CEP89: variants seen among roughly 807,000 people sequenced by gnomAD.
CEP89 encodes the protein centrosomal protein 89.
In CEP89, 95 loss-of-function variants were observed where a neutral mutation model predicts 97.6. That is an observed-to-expected ratio of 0.97 (90% CI 0.82 to 1.15). The LOEUF is 1.15. Ranked by LOEUF, CEP89 falls within the 50% of genes most tolerant of loss-of-function variation. The pLI is 0.00. For synonymous variants in CEP89, 354 were observed against 349.1 expected (o/e 1.01, Z -0.16); for missense variants, 869 against 947.7 (o/e 0.92, Z 1.09).
chr19:32,897,999 A>G (rs1366732992), intron 16 of CEP89, among the ~76,000 whole-genome samples: 1 of 152,202 alleles, frequency 6.6e-6, no homozygotes, highest in African/African-American at 2.4e-5. Flanking sequence ...AAAAACAATT[A>G]CCATATGATC....
chr19:32,901,626 C>T (rs1969773480), intron 14 of CEP89, among the ~76,000 whole-genome samples: 1 of 151,768 alleles, frequency 6.6e-6, no homozygotes, highest in South Asian at 2.1e-4. Flanking sequence ...GCTGGGCACA[C>T]ACTACGTGTG....
chr19:32,880,014 G>A (rs925411573), intron 18 of CEP89, among the ~76,000 whole-genome samples: 1 of 152,256 alleles, frequency 6.6e-6, no homozygotes, highest in Non-Finnish European at 1.5e-5. Context: ...AGGGGCCGAG[G>A]CATGTGAGGT....
In CEP89 at chr19:32,939,864, T is replaced by C. The variant is rs768054722; in HGVS notation, c.617A>G (p.Asn206Ser). ...TAAAAAAAATGATCTTACCTTTAAATTCAGAACAGGGTGTTTACCATCTGA... is the reference window on the plus strand; with the variant it reads ...TAAAAAAAATGATCTTACCTTTAAACTCAGAACAGGGTGTTTACCATCTGA... ...QQKDGKHPVL[N>S]LKDEKPPLCE... Residue 206 changes from asparagine to serine, a missense_variant, in exon 6 of 19, where the codon AAT becomes AGT. Asn to Ser is a conservative substitution (Grantham distance 46, BLOSUM62 1). Transcript: ENST00000305768. The C allele has an allele frequency of 4.0e-6, 5 of 1,253,416 alleles. No homozygotes were observed. The highest frequency in any genetic ancestry group is 3.0e-5 in the African/African-American group (2 of 66,904). 77.6% of individuals were successfully genotyped at this position (1,253,416 alleles called of 1,614,324 possible).
chr19:32,887,330 C>A (rs1182438129), intron 17 of CEP89, among the ~76,000 whole-genome samples: 2 of 151,750 alleles, frequency 1.3e-5, no homozygotes, highest in African/African-American at 2.4e-5. Flanking sequence ...GGAGCCTCCC[C>A]CATCAGCCTC....
chr19:32,970,187 C>T (rs899519460), intron 1 of CEP89: 1 of 152,342 alleles, frequency 6.6e-6, no homozygotes, highest in Non-Finnish European at 1.5e-5. Context: ...AGGCCCAGGC[C>T]AACTCTCCAG....
rs1457300116 is a variant in CEP89 at position 32,926,981 on chromosome 19, A to G, written c.1033T>C (p.Leu345=). The G allele has an allele frequency of 8.7e-6, 14 of 1,613,296 alleles. No homozygotes were observed. Among genetic ancestry groups the G allele is most frequent in the Non-Finnish European group, 1.1e-5 (13 of 1,179,274 alleles). The part of the protein sequence containing the change: ...KFRHLSKEES[L]NIEGLPSKGP... ...TTGGATGGGAGGCCTTCAATATTTA[A>G]GCTCTAAGAACAAAACATGTATTGA... Residue 345 remains leucine (L), a synonymous_variant, in exon 10 of 19, where the codon TTA becomes CTA. Coordinates refer to ENST00000305768, the MANE Select transcript of CEP89 (RefSeq NM_032816.5).
chr19:32,915,975 T>C (rs115447258), intron 13 of CEP89, among the ~76,000 whole-genome samples: 2,324 of 150,848 alleles, frequency 0.015, 44 homozygotes, highest in African/African-American at 0.054. Flanking sequence ...CCAAAGGCTT[T>C]GTCCTTAGAA....
rs1970515966 is a variant in CEP89, at chr19:32,933,436, T to C, written c.886+15A>G. On this transcript the variant is annotated intron_variant, in intron 8 of 18. Transcript: ENST00000305768. ...CTGCTCATTCCTCTAATAAAGGCACTCTGTCTGTCCCCACCTTCCTGTGAC... is the reference window on the plus strand; with the variant it reads ...CTGCTCATTCCTCTAATAAAGGCACCCTGTCTGTCCCCACCTTCCTGTGAC... 1 of 1,591,650 alleles carries C rather than the reference T, an allele frequency of 6.3e-7. No homozygotes were observed.
At chr19:32,967,304 CTG>C (rs1205498678) in intron 1 of CEP89, among the ~76,000 whole-genome samples, 1 of 152,170 alleles carries the variant, frequency 6.6e-6, no homozygotes, top group East Asian at 1.9e-4. Context: ...CTGGGAGTCT[CTG>C]AGACGTTTCT....
chr19:32,878,879 G>A lies in CEP89; in HGVS notation c.*283C>T, dbSNP rs1969216686. On this transcript the variant is annotated 3_prime_UTR_variant, in exon 19 of 19. Coordinates refer to ENST00000305768, the MANE Select transcript of CEP89 (RefSeq NM_032816.5). ...GCTACTCAGGAGGCTGAAGCAGAAG[G>A]ATCTCAAACATGTTTGAGGCTGCCG... 1 of 298,700 alleles carries A rather than the reference G, an allele frequency of 3.3e-6. No homozygotes were observed. Among genetic ancestry groups the A allele is most frequent in the Non-Finnish European group, 6.1e-6 (1 of 163,014 alleles). The allele number at this position is 298,700 out of a possible 1,614,324, so 18.5% of individuals were successfully genotyped here. A position where few individuals can be genotyped will look rare whatever the true frequency, so the allele number is the denominator to read the frequency against.
In CEP89 at chr19:32,939,898, A is replaced by AAGAG; in HGVS notation, c.596-17_596-14dup. 2 of 1,249,928 alleles carry AAGAG rather than the reference A, an allele frequency of 1.6e-6. No individual in the cohort carries two copies. The highest frequency in any genetic ancestry group is 1.1e-6 in the Non-Finnish European group (1 of 872,590). The allele number at this position is 1,249,928 out of a possible 1,614,324, so 77.4% of individuals were successfully genotyped here. A position where few individuals can be genotyped will look rare whatever the true frequency, so the allele number is the denominator to read the frequency against. ...GGGTGTTTACCATCTGATGAAGAAA[A>AAGAG]AGAGAGAGAGATAAACTTTTAAAGT... On this transcript the variant is annotated splice_polypyrimidine_tract_variant and intron_variant, in intron 5 of 18. Coordinates refer to ENST00000305768, the MANE Select transcript of CEP89 (RefSeq NM_032816.5).
At position 32,933,541 on chromosome 19, in the gene CEP89, G is replaced by C; in HGVS notation, c.796C>G (p.Gln266Glu). Residue 266 changes from glutamine to glutamate, a missense_variant, in exon 8 of 19, where the codon CAA becomes GAA. Gln to Glu is a conservative substitution (Grantham distance 29). Coordinates refer to ENST00000305768, the MANE Select transcript of CEP89 (RefSeq NM_032816.5). ...SLTLELNTMK[Q>E]AMKELQLKLK... ...TTTAACTGTAGTTCTTTCATTGCTTGTTTCATTGTGTTTAGTTCAAGGGTA... is the reference window on the plus strand; with the variant it reads ...TTTAACTGTAGTTCTTTCATTGCTTCTTTCATTGTGTTTAGTTCAAGGGTA... The C allele has an allele frequency of 1.2e-6, 2 of 1,613,574 alleles. No individual in the cohort carries two copies. The highest frequency in any genetic ancestry group is 1.7e-6 in the Non-Finnish European group (2 of 1,179,606).
chr19:32,898,956 T>C (rs966552723), intron 16 of CEP89, among the ~76,000 whole-genome samples: 1 of 151,744 alleles, frequency 6.6e-6, no homozygotes, highest in African/African-American at 2.4e-5. Flanking sequence ...TGTTACACAT[T>C]CTATGCACAT....
At chr19:32,883,436 C>A (rs962913756) in intron 17 of CEP89, among the ~76,000 whole-genome samples, 1 of 152,086 alleles carries the variant, frequency 6.6e-6, no homozygotes, top group Non-Finnish European at 1.5e-5. Flanking sequence ...GGCAGATCAC[C>A]TGAGTTCAGG....
intron 2 of CEP89, among the ~76,000 whole-genome samples, chr19:32,961,920 A>G (rs774906880): frequency 3.3e-5 from 5 of 152,136 alleles, no homozygotes; most frequent in Non-Finnish European, 7.4e-5. Flanking sequence ...TTGGGATTAC[A>G]GCCATGAGCC....
At chr19:32,887,173 A>G (rs1483693923) in intron 17 of CEP89, among the ~76,000 whole-genome samples, 2 of 151,778 alleles carry the variant, frequency 1.3e-5, no homozygotes, top group Non-Finnish European at 2.9e-5. Context: ...CCTGGATGAC[A>G]GAGTGAGATC....
chr19:32,949,519 G>T (rs542611564), intron 4 of CEP89, among the ~76,000 whole-genome samples: 1 of 152,206 alleles, frequency 6.6e-6, no homozygotes. Context: ...CAGTAGCTAG[G>T]ACTACAAGCG....
chr19:32,964,036 T>C (rs142675103), intron 2 of CEP89, among the ~76,000 whole-genome samples: 45 of 151,964 alleles, frequency 3.0e-4, no homozygotes, highest in African/African-American at 1.0e-3. Context: ...CATATACTGT[T>C]GGTGGGAACA....
At chr19:32,923,314 T>C (rs998988282) in intron 12 of CEP89, 125 bp downstream of exon 12, 7 of 524,030 alleles carry the variant, frequency 1.3e-5, no homozygotes, top group Admixed American at 3.5e-5. Flanking sequence ...TATTAATTTC[T>C]TAGAAACTCT....
Sources: gnomAD v4.1 joint callset for allele counts (sites outside exome capture counted in the v4.1 genomes callset) on GRCh38, gnomAD v4.1.1 for gene constraint, MANE v1.5 for transcripts, NCBI Gene and HGNC (gene_info 2026-07-23, HGNC 2026-07-21) for gene names.